Variants in CLNS1A observed in about 807,000 individuals in gnomAD.
CLNS1A encodes the protein methylosome subunit pICln.
In CLNS1A, 16 loss-of-function variants were observed where a neutral mutation model predicts 29.4. The observed-to-expected ratio is 0.54, with a 90% CI of 0.37 to 0.83. CLNS1A has a LOEUF of 0.83. Ranked by LOEUF, CLNS1A falls within the 40% of genes least tolerant of loss-of-function variation. The pLI is 0.00. For synonymous variants in CLNS1A, 96 were observed against 104.8 expected (o/e 0.92, Z 0.51); for missense variants, 235 against 287.4 (o/e 0.82, Z 1.32).
At position 77,637,641 on chromosome 11, in the gene CLNS1A, G is replaced by C; in HGVS notation, c.74C>G (p.Ala25Gly). ...GLLRQQPDTE[A>G]VLNGKGLGTG... is the part of the protein sequence containing the mutation. ...GCCGAGGCCCTTCCCGTTCAGCACA[G>C]CCTCAGTGTCTGGCTGCTGCCGCAG... Residue 25 changes from alanine to glycine, a missense_variant, in exon 1 of 7, where the codon GCT (alanine) becomes GGT (glycine). Coordinates refer to ENST00000525428, the MANE Select transcript of CLNS1A (RefSeq NM_001293.3). 1 of 1,588,000 alleles carries C rather than the reference G, an allele frequency of 6.3e-7. No homozygotes were observed.
intron 2 of CLNS1A, among the ~76,000 whole-genome samples, chr11:77,628,233 C>T (rs1483856486): frequency 6.6e-6 from 1 of 152,190 alleles, no homozygotes; most frequent in African/African-American, 2.4e-5. Flanking sequence ...CTCCAATGGC[C>T]GTCACTATTT....
intron 2 of CLNS1A, among the ~76,000 whole-genome samples, chr11:77,629,407 T>G (rs1959051846): frequency 6.6e-6 from 1 of 151,828 alleles, no homozygotes; most frequent in Non-Finnish European, 1.5e-5. Flanking sequence ...TTCTTTTTTT[T>G]TTTTTAGACG....
intron 3 of CLNS1A, 92 bp from the exon 4 acceptor site, chr11:77,625,162 A>G: frequency 3.6e-6 from 3 of 824,624 alleles, no homozygotes; most frequent in Non-Finnish European, 5.8e-6. Context: ...AAAACGCCAC[A>G]GTATTTACAA....
At chr11:77,621,521 G>A (rs1402540629) in intron 5 of CLNS1A, among the ~76,000 whole-genome samples, 2 of 151,956 alleles carry the variant, frequency 1.3e-5, no homozygotes, top group African/African-American at 2.4e-5. Context: ...GCAGGCGCCA[G>A]TACCCCAGCT....
At position 77,615,485 on chromosome 11, in the gene CLNS1A, A is replaced by G. The variant is rs1958899567; in HGVS notation, c.*1233T>C. ...TATAACTCAGTTTCCTCAACTATAAAGTGGGATAAAAGCGTATCTCATAAG... is the reference window on the plus strand; with the variant it reads ...TATAACTCAGTTTCCTCAACTATAAGGTGGGATAAAAGCGTATCTCATAAG... On this transcript the variant is annotated 3_prime_UTR_variant, in exon 7 of 7. Transcript: ENST00000525428. 6.6e-6 allele frequency: 1 copy of G among 152,194 alleles called. No individual in the cohort carries two copies. Among genetic ancestry groups the G allele is most frequent in the African/African-American group, 2.4e-5 (1 of 41,446 alleles). The allele number at this position is 152,194 out of a possible 1,614,324, so 9.4% of individuals were successfully genotyped here. A position where few individuals can be genotyped will look rare whatever the true frequency, so the allele number is the denominator to read the frequency against.
intron 1 of CLNS1A, among the ~76,000 whole-genome samples, chr11:77,631,013 T>G (rs931332848): frequency 6.6e-6 from 1 of 152,256 alleles, no homozygotes; most frequent in Non-Finnish European, 1.5e-5. Context: ...GTAAGACCCC[T>G]GTATCATTCT....
chr11:77,619,478 C>T, intron 6 of CLNS1A, 128 bp downstream of exon 6: 1 of 668,920 alleles, frequency 1.5e-6, no homozygotes, highest in Non-Finnish European at 2.7e-6. Context: ...GAGCTAGGAT[C>T]ATGCCACTGC....
At position 77,616,536 on chromosome 11, in the gene CLNS1A, T is replaced by C. The variant is rs969002806; in HGVS notation, c.*182A>G. The C allele has an allele frequency of 1.4e-4, 21 of 152,654 alleles. No individual in the cohort carries two copies. Among genetic ancestry groups the C allele is most frequent in the African/African-American group, 5.1e-4 (21 of 41,452 alleles). 9.5% of individuals were successfully genotyped at this position (152,654 alleles called of 1,614,324 possible). Reference sequence around the variant, plus strand: ...TAATTCATCAAGTTAATAAAGGTCATATTATCTATCTTCTGCTGGTGACAA... The same window carrying C: ...TAATTCATCAAGTTAATAAAGGTCACATTATCTATCTTCTGCTGGTGACAA... On this transcript the variant is annotated 3_prime_UTR_variant, in exon 7 of 7. Coordinates refer to ENST00000525428, the MANE Select transcript of CLNS1A (RefSeq NM_001293.3).
chr11:77,632,991 G>C (rs1959089756), intron 1 of CLNS1A, among the ~76,000 whole-genome samples: 3 of 150,232 alleles, frequency 2.0e-5, no homozygotes, highest in African/African-American at 7.4e-5. Context: ...GGAGGCTGAG[G>C]CAGGAGAATT....
intron 1 of CLNS1A, among the ~76,000 whole-genome samples, chr11:77,636,584 G>C (rs1959128135): frequency 6.6e-6 from 1 of 152,108 alleles, no homozygotes; most frequent in Non-Finnish European, 1.5e-5. Flanking sequence ...TTGGCCCCAC[G>C]ACCTTCACTT....
intron 1 of CLNS1A, among the ~76,000 whole-genome samples, chr11:77,636,400 T>C (rs1428379722): frequency 1.3e-5 from 2 of 152,190 alleles, no homozygotes; most frequent in Non-Finnish European, 2.9e-5. Flanking sequence ...ACTCCACACA[T>C]GTCCTGACCA....
intron 2 of CLNS1A, among the ~76,000 whole-genome samples, chr11:77,626,090 C>A (rs1401921746): frequency 6.6e-6 from 1 of 152,084 alleles, no homozygotes; most frequent in African/African-American, 2.4e-5. Flanking sequence ...TTAAGGTAAT[C>A]TAATCTCATC....
chr11:77,624,932 A>C (rs1959000431), intron 4 of CLNS1A, 31 bp downstream of exon 4: 2 of 1,466,886 alleles, frequency 1.4e-6, no homozygotes, highest in Non-Finnish European at 1.9e-6. Flanking sequence ...TAAACAAACA[A>C]AAAACCCACT....
At chr11:77,624,142 G>A (rs1803684030) in intron 4 of CLNS1A, among the ~76,000 whole-genome samples, 1 of 152,202 alleles carries the variant, frequency 6.6e-6, no homozygotes, top group Admixed American at 6.5e-5. Context: ...GCGCAAGCCT[G>A]TAGTCCCAGG....
chr11:77,634,508 GA>G (rs1166290267), intron 1 of CLNS1A, among the ~76,000 whole-genome samples: 1 of 152,082 alleles, frequency 6.6e-6, no homozygotes, highest in Admixed American at 6.6e-5. Context: ...GGTGGATCAT[GA>G]GGTCAGGAAT....
intron 1 of CLNS1A, 78 bp downstream of exon 1, chr11:77,637,512 C>T (rs1189162776): frequency 6.7e-7 from 1 of 1,484,828 alleles, no homozygotes; most frequent in Non-Finnish European, 9.0e-7. Flanking sequence ...GCCCCTTGCC[C>T]GGCTCCTTCG....
Position 77,637,766 on chromosome 11 carries a change from CGT to C in CLNS1A, c.-54_-53del, listed in dbSNP as rs1565132578. On this transcript the variant is annotated 5_prime_UTR_variant, in exon 1 of 7. Coordinates refer to ENST00000525428, the MANE Select transcript of CLNS1A (RefSeq NM_001293.3). ...CTGAGGGAGTTGGAGCACAGCAATG[CGT>C]GCACCACACCGCCCGCCCTGGAAGA... 6.6e-7 allele frequency: 1 copy of C among 1,510,002 alleles called. No homozygotes were observed. Among genetic ancestry groups the C allele is most frequent in the Non-Finnish European group, 8.9e-7 (1 of 1,123,642 alleles). The allele number at this position is 1,510,002 out of a possible 1,614,324, so 93.5% of individuals were successfully genotyped here. A position where few individuals can be genotyped will look rare whatever the true frequency, so the allele number is the denominator to read the frequency against.
At chr11:77,617,541 CAA>C (rs1344041255) in intron 6 of CLNS1A, among the ~76,000 whole-genome samples, 2 of 128,486 alleles carry the variant, frequency 1.6e-5, no homozygotes, top group Non-Finnish European at 1.7e-5. Flanking sequence ...ACTCCCGTGT[CAA>C]AAAAAAAAAA....
At chr11:77,620,021 G>A (rs1022384776) in intron 5 of CLNS1A, among the ~76,000 whole-genome samples, 1 of 152,160 alleles carries the variant, frequency 6.6e-6, no homozygotes, top group Admixed American at 6.5e-5. Flanking sequence ...AAGGTATACA[G>A]CCCTATCCTC....
Sources: allele counts gnomAD v4.1 joint callset (sites outside exome capture counted in the v4.1 genomes callset), GRCh38; gene constraint gnomAD v4.1.1; transcripts MANE v1.5; gene names NCBI Gene and HGNC (gene_info 2026-07-23, HGNC 2026-07-21).